PRELID2: variants seen among roughly 807,000 people sequenced by gnomAD.
PRELID2 encodes the protein PRELI domain containing 2.
PRELID2 carries 25 observed loss-of-function variants against 28.4 expected under a neutral mutation model. The ratio of observed to expected loss-of-function variants is 0.88; its 90% CI spans 0.64 to 1.23. The LOEUF is 1.23. PRELID2 is among the 50% of genes most tolerant of loss of function. The pLI is 0.00. For synonymous variants in PRELID2, 76 were observed against 71.6 expected, an observed-to-expected ratio of 1.06 and a Z score of -0.31; for missense variants, 201 against 214.4, an observed-to-expected ratio of 0.94 and a Z score of 0.39.
chr5:145,303,433 C>G, the PRELID2 span, among the ~76,000 whole-genome samples: 1 of 152,156 alleles, frequency 6.6e-6, no homozygotes, highest in African/African-American at 2.4e-5. Context: ...TTTTATATTA[C>G]CAGCTAAATA....
intron 1 of PRELID2, among the ~76,000 whole-genome samples, chr5:145,571,291 C>T (rs1753013045): frequency 6.6e-6 from 1 of 152,126 alleles, no homozygotes; most frequent in African/African-American, 2.4e-5. Context: ...CAAGGGCATT[C>T]CAAAGTTAAC....
the PRELID2 span, among the ~76,000 whole-genome samples, chr5:145,427,319 T>A: frequency 6.6e-6 from 1 of 152,234 alleles, no homozygotes; most frequent in Non-Finnish European, 1.5e-5. Flanking sequence ...TCTAATGTAG[T>A]GTGTTACCAA....
chr5:145,830,869 C>T (rs34811451), intron 1 of PRELID2, among the ~76,000 whole-genome samples: 22,151 of 152,014 alleles, frequency 0.15, 1,797 homozygotes, highest in East Asian at 0.21. Context: ...TTTTAAAAAC[C>T]GTAGTATATT....
intron 1 of PRELID2, among the ~76,000 whole-genome samples, chr5:145,705,939 T>TACACACACACACACACAC (rs61283424): frequency 1.4e-5 from 2 of 145,602 alleles, no homozygotes; most frequent in African/African-American, 5.1e-5. Context: ...CATGTGCGCC[T>TACACACACACACACACAC]ACACACACAC....
chr5:145,410,759 AC>A, the PRELID2 span, among the ~76,000 whole-genome samples: 1 of 152,058 alleles, frequency 6.6e-6, no homozygotes, highest in Non-Finnish European at 1.5e-5. Context: ...ACACAGCCAA[AC>A]CATATCATTC....
At chr5:145,384,982 TA>T in the PRELID2 span, among the ~76,000 whole-genome samples, 1 of 152,026 alleles carries the variant, frequency 6.6e-6, no homozygotes, top group African/African-American at 2.4e-5. Context: ...ATACACAAAC[TA>T]TATCATAATA....
At chr5:145,608,493 A>C (rs1423899413) in intron 1 of PRELID2, among the ~76,000 whole-genome samples, 1 of 152,038 alleles carries the variant, frequency 6.6e-6, no homozygotes, top group Non-Finnish European at 1.5e-5. Flanking sequence ...TTTCTCCATC[A>C]CTTACGAAGT....
intron 1 of PRELID2, among the ~76,000 whole-genome samples, chr5:145,530,287 C>T (rs970096263): frequency 3.9e-5 from 6 of 152,068 alleles, no homozygotes; most frequent in East Asian, 1.9e-4. Flanking sequence ...TGATTGCTCA[C>T]GGTGAGAAAA....
chr5:145,434,605 C>T, the PRELID2 span, among the ~76,000 whole-genome samples: 1 of 152,000 alleles, frequency 6.6e-6, no homozygotes, highest in Admixed American at 6.6e-5. Context: ...GGAGATGGGC[C>T]CAAGGCCATA....
chr5:145,632,425 A>T (rs1753945808), intron 1 of PRELID2, among the ~76,000 whole-genome samples: 1 of 152,214 alleles, frequency 6.6e-6, no homozygotes, highest in African/African-American at 2.4e-5. Context: ...TAAATGGTGA[A>T]TATTAGAAAA....
the PRELID2 span, among the ~76,000 whole-genome samples, chr5:145,403,746 C>T: frequency 6.6e-6 from 1 of 152,128 alleles, no homozygotes; most frequent in East Asian, 1.9e-4. Context: ...CTGAAGTCAG[C>T]AGGATTGGGT....
At chr5:145,248,836 A>T in the PRELID2 span, among the ~76,000 whole-genome samples, 9 of 152,096 alleles carry the variant, frequency 5.9e-5, no homozygotes, top group African/African-American at 2.2e-4. Flanking sequence ...GCACTCTGGC[A>T]TTGTCTCCTC....
chr5:145,606,448 G>T (rs1016879918), intron 1 of PRELID2, among the ~76,000 whole-genome samples: 1 of 152,000 alleles, frequency 6.6e-6, no homozygotes, highest in African/African-American at 2.4e-5. Context: ...TTCCTTCAGT[G>T]CCTAGTCTGT....
intron 5 of PRELID2, among the ~76,000 whole-genome samples, chr5:145,766,004 C>A (rs755200167): frequency 6.6e-6 from 1 of 152,184 alleles, no homozygotes; most frequent in African/African-American, 2.4e-5. Flanking sequence ...ACTGTCCATA[C>A]CCACCTATCT....
In PRELID2 at chr5:145,542,774, TTTCTTTCTTTCTGTC is replaced by T. The variant is rs879604420; in HGVS notation, n.71-69474_71-69460del. On this transcript the variant is annotated intron_variant and non_coding_transcript_variant, in intron 1 of 2. Transcript: ENST00000510259. Reference sequence around the variant, plus strand: ...ATTTCTTTCTTTCTTTCTTTCTTTCTTTCTTTCTTTCTGTCTTTTTCTCTTTTCTTTTACTTTCTA... The same window carrying T: ...ATTTCTTTCTTTCTTTCTTTCTTTCTTTTTTCTCTTTTCTTTTACTTTCTA... 7.2e-3 allele frequency among the ~76,000 whole-genome samples: 1,027 copies of T among 142,510 alleles called. 14 individuals are homozygous for T. The highest frequency in any genetic ancestry group is 0.028 in the African/African-American group (977 of 34,458). 93.5% of individuals were successfully genotyped at this position (142,510 alleles called of 152,430 possible).
the PRELID2 span, among the ~76,000 whole-genome samples, chr5:145,385,066 G>A: frequency 6.6e-6 from 1 of 152,170 alleles, no homozygotes; most frequent in Non-Finnish European, 1.5e-5. Flanking sequence ...CGATAGGAAT[G>A]TGTTACATCT....
chr5:145,295,349 T>G, the PRELID2 span, among the ~76,000 whole-genome samples: 4 of 152,168 alleles, frequency 2.6e-5, no homozygotes, highest in Non-Finnish European at 5.9e-5. Context: ...ATAATTTATT[T>G]TCTAAGTAGG....
At chr5:145,730,324 G>A (rs1310166052) in intron 1 of PRELID2, among the ~76,000 whole-genome samples, 1 of 152,136 alleles carries the variant, frequency 6.6e-6, no homozygotes, top group Non-Finnish European at 1.5e-5. Context: ...CAATTTCAAA[G>A]AAGAGAAGAG....
chr5:145,341,844 T>G, the PRELID2 span, among the ~76,000 whole-genome samples: 29 of 152,282 alleles, frequency 1.9e-4, no homozygotes, highest in East Asian at 5.4e-3. Flanking sequence ...ATTTAACAAA[T>G]AATTTGATAT....
Sources: allele counts gnomAD v4.1 joint callset (sites outside exome capture counted in the v4.1 genomes callset), GRCh38; gene constraint gnomAD v4.1.1; transcripts MANE v1.5; gene names NCBI Gene and HGNC (gene_info 2026-07-23, HGNC 2026-07-21).